Variants in ROR1 observed in about 807,000 individuals in gnomAD.
ROR1 encodes ROR family WNT receptor 1.
ROR1 carries 19 observed loss-of-function variants against 78.8 expected under a neutral mutation model. The ratio of observed to expected loss-of-function variants is 0.24; its 90% CI spans 0.17 to 0.35. ROR1 has a LOEUF of 0.35. Ranked by LOEUF, ROR1 falls within the 10% of genes least tolerant of loss-of-function variation. ROR1 has a pLI of 1.00. For synonymous variants in ROR1, 386 were observed against 433.6 expected, an observed-to-expected ratio of 0.89 and a Z score of 1.36; for missense variants, 917 against 1,177.8, an observed-to-expected ratio of 0.78 and a Z score of 3.24.
chr1:64,166,571 TG>T (rs1650094748), intron 8 of ROR1, among the ~76,000 whole-genome samples: 1 of 150,636 alleles, frequency 6.6e-6, no homozygotes, highest in Admixed American at 6.6e-5. Flanking sequence ...ATGAAGCAAA[TG>T]CTGTGCAAAC....
At chr1:63,942,994 G>A (rs553901952) in intron 1 of ROR1, among the ~76,000 whole-genome samples, 7 of 151,320 alleles carry the variant, frequency 4.6e-5, no homozygotes, top group Non-Finnish European at 8.8e-5. Flanking sequence ...GGAGGCTGAA[G>A]TGGGAGGATC....
At chr1:63,869,958 G>A (rs1645241315) in intron 1 of ROR1, among the ~76,000 whole-genome samples, 2 of 152,220 alleles carry the variant, frequency 1.3e-5, no homozygotes, top group Middle Eastern at 6.8e-3. Flanking sequence ...TTATAGTTGT[G>A]CCACATAATT....
At chr1:63,845,075 A>G (rs909515986) in intron 1 of ROR1, among the ~76,000 whole-genome samples, 16 of 152,106 alleles carry the variant, frequency 1.1e-4, no homozygotes, top group Non-Finnish European at 2.4e-4. Flanking sequence ...AGCGTATCTA[A>G]TTCTCTAATG....
rs141051015 is a variant in ROR1 at position 63,844,170 on chromosome 1, A to T, written c.91+69662A>T. On this transcript the variant is annotated intron_variant, in intron 1 of 8. Transcript: ENST00000371079. ...GTTGGTGAGGAATTAATCAGCTCAC[A>T]CATGGTTAGCCCTCAGTAAACGTTG... Among the ~76,000 whole-genome samples, 503 of 152,328 alleles carry T rather than the reference A, an allele frequency of 3.3e-3. 4 individuals carry two copies. Among genetic ancestry groups the T allele is most frequent in the African/African-American group, 0.012 (489 of 41,582 alleles).
intron 2 of ROR1, among the ~76,000 whole-genome samples, chr1:64,047,041 G>A (rs1179630560): frequency 3.3e-5 from 5 of 152,192 alleles, no homozygotes; most frequent in Non-Finnish European, 5.9e-5. Context: ...GCTTGGCTGA[G>A]CCTGAGGATT....
rs539567475 is a variant in ROR1 at position 63,785,769 on chromosome 1, GC to G, written c.91+11265del. On this transcript the variant is annotated intron_variant, in intron 1 of 8. Transcript: ENST00000371079. The stretch of plus-strand genomic sequence containing the variant: ...TTGAACTCCTGACCTCAAGTGATCT[GC>G]CCCGCTCAGCTTCCCAAAGTGCTGG... Among the ~76,000 whole-genome samples, 1,057 of 152,020 alleles carry G rather than the reference GC, an allele frequency of 7.0e-3. 2 individuals are homozygous for G. The highest frequency in any genetic ancestry group is 0.012 in the Non-Finnish European group (802 of 67,976).
chr1:63,892,585 G>A (rs1317894549), intron 1 of ROR1, among the ~76,000 whole-genome samples: 2 of 152,112 alleles, frequency 1.3e-5, no homozygotes, highest in African/African-American at 4.8e-5. Context: ...CTTGCCCTAG[G>A]TCACCAACCA....
chr1:63,902,649 C>T (rs1473373564), intron 1 of ROR1, among the ~76,000 whole-genome samples: 3 of 152,138 alleles, frequency 2.0e-5, no homozygotes, highest in Admixed American at 6.6e-5. Context: ...ATAAATCTAG[C>T]TCCATCACTA....
intron 1 of ROR1, among the ~76,000 whole-genome samples, chr1:63,940,982 T>G (rs1486099383): frequency 6.6e-6 from 1 of 152,158 alleles, no homozygotes; most frequent in African/African-American, 2.4e-5. Context: ...GGAGGAAATA[T>G]CAAGCAAACT....
chr1:64,172,161 C>T (rs1472755502), intron 8 of ROR1, among the ~76,000 whole-genome samples: 2 of 152,210 alleles, frequency 1.3e-5, no homozygotes, highest in Non-Finnish European at 2.9e-5. Context: ...CCCCACTTAG[C>T]AGTCATGACT....
At chr1:63,981,382 G>A (rs1481956853) in intron 1 of ROR1, among the ~76,000 whole-genome samples, 1 of 152,124 alleles carries the variant, frequency 6.6e-6, no homozygotes, top group Non-Finnish European at 1.5e-5. Flanking sequence ...CATTGGGGTG[G>A]AAGCCCAGGA....
At chr1:63,854,770 G>A (rs619334) in intron 1 of ROR1, among the ~76,000 whole-genome samples, 12,740 of 152,200 alleles carry the variant, frequency 0.084, 1,113 homozygotes, top group African/African-American at 0.22. Context: ...AACTACAGTC[G>A]TCTCTTGGTA....
chr1:64,163,665 G>A (rs1650008807), intron 8 of ROR1, among the ~76,000 whole-genome samples: 1 of 152,118 alleles, frequency 6.6e-6, no homozygotes, highest in Admixed American at 6.5e-5. Flanking sequence ...TTCACTTCCA[G>A]ACAATTCATC....
At position 63,841,529 on chromosome 1, in the gene ROR1, T is replaced by C. The variant is rs372234603; in HGVS notation, c.91+67021T>C. The stretch of plus-strand genomic sequence containing the variant: ...GTCTTAGAATTCTGTTCTGCTTCCA[T>C]GTTACATGTAAGAGTTTGTAATTAT... On this transcript the variant is annotated intron_variant, in intron 1 of 8. Transcript: ENST00000371079. Among the ~76,000 whole-genome samples, 6 of 152,370 alleles carry C rather than the reference T, an allele frequency of 3.9e-5. No homozygotes were observed. In the East Asian group the frequency reaches 9.6e-4, roughly 24 times the overall value.
At chr1:64,093,984 G>A (rs1228719851) in intron 4 of ROR1, among the ~76,000 whole-genome samples, 2 of 152,152 alleles carry the variant, frequency 1.3e-5, no homozygotes, top group Non-Finnish European at 2.9e-5. Flanking sequence ...AACTCAGCCA[G>A]AAGTGGCAGA....
intron 1 of ROR1, among the ~76,000 whole-genome samples, chr1:63,957,060 G>A (rs181698803): frequency 3.8e-4 from 58 of 152,318 alleles, no homozygotes; most frequent in African/African-American, 1.4e-3. Flanking sequence ...CTGGCTGGGC[G>A]TCTTGGGCTG....
intron 1 of ROR1, among the ~76,000 whole-genome samples, chr1:63,941,718 A>G (rs920058365): frequency 1.3e-5 from 2 of 152,198 alleles, no homozygotes; most frequent in South Asian, 2.1e-4. Flanking sequence ...AGGGCTTTGT[A>G]TGGATCATAA....
Position 63,912,953 on chromosome 1 carries a change from G to A in ROR1, c.92-96352G>A, listed in dbSNP as rs535813372. Among the ~76,000 whole-genome samples, 6 of 152,208 alleles carry A rather than the reference G, an allele frequency of 3.9e-5. No individual in the cohort carries two copies. In the South Asian group the frequency reaches 1.2e-3, roughly 32 times the overall value. On this transcript the variant is annotated intron_variant, in intron 1 of 8. Coordinates refer to ENST00000371079, the MANE Select transcript of ROR1 (RefSeq NM_005012.4). ...TAAGAAATGGGCAAACTTGGCGGGG[G>A]TTGCTGATAGTGACACCACATCTTC...
intron 1 of ROR1, among the ~76,000 whole-genome samples, chr1:63,987,693 T>C (rs1414792232): frequency 6.6e-6 from 1 of 152,194 alleles, no homozygotes; most frequent in African/African-American, 2.4e-5. Context: ...TTATCAATGT[T>C]CCTCAGTCGC....
Sources: allele counts gnomAD v4.1 joint callset (sites outside exome capture counted in the v4.1 genomes callset), GRCh38; gene constraint gnomAD v4.1.1; transcripts MANE v1.5; gene names NCBI Gene and HGNC (gene_info 2026-07-23, HGNC 2026-07-21).